Variants in ITGA11 observed in about 807,000 individuals in gnomAD.
ITGA11 encodes integrin alpha-11.
ITGA11 carries 97 observed loss-of-function variants against 141.9 expected under a neutral mutation model. The ratio of observed to expected loss-of-function variants is 0.68; its 90% CI spans 0.58 to 0.81. ITGA11 has a LOEUF of 0.81. Among genes scored for constraint, ITGA11 ranks in the 30% least tolerant of loss-of-function variants. ITGA11 has a pLI of 0.00. For synonymous variants in ITGA11, 658 were observed against 624.6 expected (o/e 1.05, Z -0.80); for missense variants, 1,387 against 1,559.2 (o/e 0.89, Z 1.86).
At position 68,332,391 on chromosome 15, in the gene ITGA11, A is replaced by G. The variant is rs1216546560; in HGVS notation, c.1513T>C (p.Tyr505His). The G allele has an allele frequency of 4.3e-6, 7 of 1,610,540 alleles. No homozygotes were observed. In the South Asian group the frequency reaches 7.8e-5, roughly 18 times the overall value. Residue 505 changes from tyrosine (Y) to histidine (H), a missense_variant, in exon 13 of 30, where the codon TAC becomes CAC. Coordinates refer to ENST00000315757, the MANE Select transcript of ITGA11 (RefSeq NM_001004439.2). ...TDVLLVGAPM[Y>H]FNEGRERGKV... ...CCTCGCTCACGGCCCTCGTTGAAGTACATGGGTGCGCCCACCAGCAGGACA... is the reference window on the plus strand; with the variant it reads ...CCTCGCTCACGGCCCTCGTTGAAGTGCATGGGTGCGCCCACCAGCAGGACA...
At chr15:68,370,446 G>A (rs186522250) in intron 2 of ITGA11, among the ~76,000 whole-genome samples, 32 of 152,252 alleles carry the variant, frequency 2.1e-4, no homozygotes, top group Admixed American at 1.4e-3. Context: ...GGCCCTCTAC[G>A]CCTCATCTCT....
intron 2 of ITGA11, among the ~76,000 whole-genome samples, chr15:68,398,654 TAA>T (rs1896385126): frequency 6.8e-6 from 1 of 147,972 alleles, no homozygotes; most frequent in East Asian, 1.9e-4. Flanking sequence ...TAAAATGAAA[TAA>T]AAATATTTTA....
chr15:68,335,544 C>G lies in ITGA11; in HGVS notation c.1425+153G>C, dbSNP rs1237208344. ...GGCCTTCTGTAGGTGGATGCGCACT[C>G]CTGCCACTCCTGGCAGCATGAAGGT... On this transcript the variant is annotated intron_variant, in intron 12 of 29. Transcript: ENST00000315757. This position sits in a 1 kb window ranked among gnomAD's most constrained non-coding sequence, Gnocchi z 4.9. Among the ~76,000 whole-genome samples the G allele has an allele frequency of 6.6e-6, 1 of 152,226 alleles. No individual in the cohort carries two copies. Among genetic ancestry groups the G allele is most frequent in the Non-Finnish European group, 1.5e-5 (1 of 68,042 alleles).
At position 68,432,058 on chromosome 15, in the gene ITGA11, C is replaced by A; in HGVS notation, c.9G>T (p.Leu3=). Residue 3 remains leucine (L), a synonymous_variant, in exon 1 of 30, where the codon CTG becomes CTT. Coordinates refer to ENST00000315757, the MANE Select transcript of ITGA11 (RefSeq NM_001004439.2). MD[L]PRGLVVAWAL... ...CCCAGGCCACCACCAGGCCCCTGGG[C>A]AGGTCCATGGCCCGCGGCACGGCGG... The A allele has an allele frequency of 7.3e-7, 1 of 1,366,472 alleles. No individual in the cohort carries two copies. Among genetic ancestry groups the A allele is most frequent in the Non-Finnish European group, 9.4e-7 (1 of 1,060,938 alleles). 84.6% of individuals were successfully genotyped at this position (1,366,472 alleles called of 1,614,324 possible).
intron 7 of ITGA11, among the ~76,000 whole-genome samples, chr15:68,355,991 A>T (rs1469070263): frequency 6.6e-6 from 1 of 152,230 alleles, no homozygotes; most frequent in Non-Finnish European, 1.5e-5. Context: ...GGGGGTGAGC[A>T]CAATGTTTTG....
intron 2 of ITGA11, among the ~76,000 whole-genome samples, chr15:68,390,684 C>T (rs1266631613): frequency 6.6e-6 from 1 of 152,186 alleles, no homozygotes; most frequent in African/African-American, 2.4e-5. Flanking sequence ...CAGCAGTGGC[C>T]TGCAGTGACT....
At chr15:68,341,218 C>T (rs1354517176) in intron 10 of ITGA11, among the ~76,000 whole-genome samples, 1 of 152,238 alleles carries the variant, frequency 6.6e-6, no homozygotes, top group Non-Finnish European at 1.5e-5. Flanking sequence ...AATTAGCCTT[C>T]TTCCTGCTAC....
Position 68,405,717 on chromosome 15 carries a change from A to G in ITGA11, c.53-2688T>C, listed in dbSNP as rs561011736. Reference sequence around the variant, plus strand: ...GAGAGACAGCAGTGTCACATGTGCAATGTCACAGAGGAGAGAGAGAGAGAC... The same window carrying G: ...GAGAGACAGCAGTGTCACATGTGCAGTGTCACAGAGGAGAGAGAGAGAGAC... On this transcript the variant is annotated intron_variant, in intron 1 of 29. Transcript: ENST00000315757. Among the ~76,000 whole-genome samples the G allele has an allele frequency of 2.0e-5, 3 of 146,810 alleles. No individual in the cohort carries two copies. The South Asian group carries it at 6.7e-4, about 33-fold the overall frequency.
At chr15:68,317,011 G>A (rs913755698) in intron 21 of ITGA11, among the ~76,000 whole-genome samples, 2 of 152,224 alleles carry the variant, frequency 1.3e-5, no homozygotes, top group Non-Finnish European at 2.9e-5. Flanking sequence ...CTAAGGGCAG[G>A]TGGCAGACTA....
intron 1 of ITGA11, among the ~76,000 whole-genome samples, chr15:68,428,085 T>C (rs961130049): frequency 6.6e-6 from 1 of 152,164 alleles, no homozygotes; most frequent in Admixed American, 6.5e-5. Context: ...TGTTCGACTT[T>C]GACCCCCAAA....
intron 2 of ITGA11, among the ~76,000 whole-genome samples, chr15:68,378,672 G>T (rs139133746): frequency 4.1e-4 from 63 of 152,204 alleles, no homozygotes; most frequent in African/African-American, 1.3e-3. Context: ...AATTTCTATT[G>T]CATATCTTTT....
chr15:68,328,842 C>G lies in ITGA11; in HGVS notation c.1902-580G>C, dbSNP rs567784677. On this transcript the variant is annotated intron_variant, in intron 15 of 29. Transcript: ENST00000315757. The surrounding 1 kb of genome is among the most constrained non-coding windows in gnomAD (Gnocchi z 4.8). ...GTTCCATGGACCACACTTCGAAGAG[C>G]GAGGCGTTAAAGCACCCCAGGTGAT... Among the ~76,000 whole-genome samples the G allele has an allele frequency of 6.6e-6, 1 of 152,134 alleles. No homozygotes were observed. Among genetic ancestry groups the G allele is most frequent in the Non-Finnish European group, 1.5e-5 (1 of 68,022 alleles).
chr15:68,412,825 G>C (rs528357294), intron 1 of ITGA11, among the ~76,000 whole-genome samples: 1 of 151,972 alleles, frequency 6.6e-6, no homozygotes, highest in East Asian at 1.9e-4. Context: ...ACAGGCATGT[G>C]CTACCATGCC....
In ITGA11 at chr15:68,432,112, G is replaced by GGCGGCAAGCCAGA. The variant is rs1897284455; in HGVS notation, c.-59_-47dup. On this transcript the variant is annotated 5_prime_UTR_variant, in exon 1 of 30. Coordinates refer to ENST00000315757, the MANE Select transcript of ITGA11 (RefSeq NM_001004439.2). ...GGTCCGGTGTGCAGCGGCGGCGGGG[G>GGCGGCAAGCCAGA]GCGGCAAGCCAGAGCGGCAGCCTCC... 4 of 1,340,766 alleles carry GGCGGCAAGCCAGA rather than the reference G, an allele frequency of 3.0e-6. No homozygotes were observed. In the African/African-American group the frequency reaches 4.6e-5, roughly 16 times the overall value. The allele number at this position is 1,340,766 out of a possible 1,614,324, so 83.1% of individuals were successfully genotyped here. A position where few individuals can be genotyped will look rare whatever the true frequency, so the allele number is the denominator to read the frequency against.
At chr15:68,421,570 G>A (rs1897017959) in intron 1 of ITGA11, among the ~76,000 whole-genome samples, 1 of 152,100 alleles carries the variant, frequency 6.6e-6, no homozygotes, top group Non-Finnish European at 1.5e-5. Context: ...GTGGCCACAG[G>A]CCATGGGAGC....
intron 7 of ITGA11, among the ~76,000 whole-genome samples, chr15:68,353,047 ACC>A (rs1894963725): frequency 6.6e-6 from 1 of 152,230 alleles, no homozygotes; most frequent in Admixed American, 6.5e-5. Flanking sequence ...CATGGGTCTG[ACC>A]CACAGCAAGG....
chr15:68,430,584 CTCT>C (rs1445433081), intron 1 of ITGA11, among the ~76,000 whole-genome samples: 1 of 152,194 alleles, frequency 6.6e-6, no homozygotes, highest in Non-Finnish European at 1.5e-5. Flanking sequence ...AGGAGTGCGT[CTCT>C]TTTCTTGTGG....
chr15:68,332,484 G>A lies in ITGA11; in HGVS notation c.1426-6C>T, dbSNP rs1168313778. 8.1e-6 allele frequency: 13 copies of A among 1,611,666 alleles called. No individual in the cohort carries two copies. Among genetic ancestry groups the A allele is most frequent in the African/African-American group, 1.3e-5 (1 of 74,926 alleles). ...CTCCCAAAGTAAGAGCCTATCTGCG[G>A]CACGTGATGGGAGAGAGGAGTGGGC... On this transcript the variant is annotated splice_region_variant and splice_polypyrimidine_tract_variant and intron_variant, in intron 12 of 29. Coordinates refer to ENST00000315757, the MANE Select transcript of ITGA11 (RefSeq NM_001004439.2).
chr15:68,301,500 C>T lies in ITGA11; in HGVS notation c.*1559G>A, dbSNP rs1483243712. 6.6e-6 allele frequency: 1 copy of T among 152,244 alleles called. No individual in the cohort carries two copies. The highest frequency in any genetic ancestry group is 1.5e-5 in the Non-Finnish European group (1 of 68,122). 9.4% of individuals were successfully genotyped at this position (152,244 alleles called of 1,614,324 possible). On this transcript the variant is annotated 3_prime_UTR_variant, in exon 30 of 30. Transcript: ENST00000315757. The surrounding 1 kb of genome is among the most constrained non-coding windows in gnomAD (Gnocchi z 4.4). ...AAGGGTGATCTTGGGAGAGGGAGCG[C>T]TCCACCACTGGAGACGTCACACGGA...
Sources: allele counts gnomAD v4.1 joint callset (sites outside exome capture counted in the v4.1 genomes callset), GRCh38; gene constraint gnomAD v4.1.1; non-coding constraint Gnocchi (gnomAD v3.1); transcripts MANE v1.5; gene names NCBI Gene and HGNC (gene_info 2026-07-23, HGNC 2026-07-21).